Variants in USP31 observed in about 807,000 individuals in gnomAD.
USP31 encodes the protein ubiquitin carboxyl-terminal hydrolase 31.
A neutral mutation model predicts 119.4 loss-of-function variants in USP31; 44 were observed. The ratio of observed to expected loss-of-function variants is 0.37; its 90% confidence interval spans 0.29 to 0.47. The LOEUF is 0.47. USP31 is among the 20% of genes least tolerant of loss of function. USP31 has a pLI of 0.99. For missense variants in USP31, 1,643 were observed against 1,730.2 expected (o/e 0.95, Z 0.89); for synonymous variants, 749 against 705.6 (o/e 1.06, Z -0.97).
chr16:23,132,912 C>T (rs916255676), intron 1 of USP31, among the ~76,000 whole-genome samples: 4 of 152,154 alleles, frequency 2.6e-5, no homozygotes, highest in Non-Finnish European at 5.9e-5. Context: ...ACTCTTCACA[C>T]ACCCATAAAG....
rs35955613 is a variant in USP31, at chr16:23,063,734, CTTTTT to C, written c.*4307_*4311del. ...AAAAATAGAGCTCCATAATTGTTGC[CTTTTT>C]TTTTTAAGACTTAACATTTCATGTC... On this transcript the variant is annotated 3_prime_UTR_variant, in exon 16 of 16. Coordinates refer to ENST00000219689, the MANE Select transcript of USP31 (RefSeq NM_020718.4). 11 of 148,520 alleles carry C rather than the reference CTTTTT, an allele frequency of 7.4e-5. No homozygotes were observed. The highest frequency in any genetic ancestry group is 2.1e-4 in the South Asian group (1 of 4,678). The allele number at this position is 148,520 out of a possible 1,614,324, so 9.2% of individuals were successfully genotyped here. A position where few individuals can be genotyped will look rare whatever the true frequency, so the allele number is the denominator to read the frequency against.
intron 6 of USP31, among the ~76,000 whole-genome samples, chr16:23,099,169 G>C (rs1271401992): frequency 6.6e-6 from 1 of 152,140 alleles, no homozygotes. Context: ...GGTATGAACA[G>C]ACACTTCTCA....
chr16:23,124,003 A>G (rs965694973), intron 1 of USP31, among the ~76,000 whole-genome samples: 1 of 152,268 alleles, frequency 6.6e-6, no homozygotes, highest in East Asian at 1.9e-4. Flanking sequence ...TATCTCAAAA[A>G]AAAAAAGAAG....
chr16:23,149,442 G>A lies in USP31; in HGVS notation c.-172C>T, dbSNP rs1006675276. On this transcript the variant is annotated 5_prime_UTR_variant, in exon 1 of 16. Transcript: ENST00000219689. Reference sequence around the variant, plus strand: ...CGAGCGGCGGCCGGCGGGGCCAGCGGGCGCGCGCGCGGTCCGCCCAGCTGA... The same window carrying A: ...CGAGCGGCGGCCGGCGGGGCCAGCGAGCGCGCGCGCGGTCCGCCCAGCTGA... Among the ~76,000 whole-genome samples, 2 of 148,272 alleles carry A rather than the reference G, an allele frequency of 1.3e-5. No homozygotes were observed. Among genetic ancestry groups the A allele is most frequent in the African/African-American group, 4.9e-5 (2 of 40,978 alleles).
chr16:23,093,507 G>A (rs1901463271), intron 6 of USP31, among the ~76,000 whole-genome samples: 1 of 152,164 alleles, frequency 6.6e-6, no homozygotes, highest in African/African-American at 2.4e-5. Flanking sequence ...CACCAGGATG[G>A]CTAAAATCAA....
intron 1 of USP31, among the ~76,000 whole-genome samples, chr16:23,125,862 TAAAG>T (rs1397320869): frequency 1.3e-5 from 2 of 152,224 alleles, no homozygotes; most frequent in Non-Finnish European, 2.9e-5. Context: ...AACCTTCAAA[TAAAG>T]AAAGCGTTGA....
At chr16:23,088,045 A>C (rs1418874483) in intron 7 of USP31, among the ~76,000 whole-genome samples, 1 of 152,220 alleles carries the variant, frequency 6.6e-6, no homozygotes, top group Non-Finnish European at 1.5e-5. Flanking sequence ...CCAATACACC[A>C]AAATGGCTTC....
At chr16:23,096,089 A>C (rs1901594647) in intron 6 of USP31, among the ~76,000 whole-genome samples, 1 of 152,214 alleles carries the variant, frequency 6.6e-6, no homozygotes, top group African/African-American at 2.4e-5. Flanking sequence ...TGCTGTATTC[A>C]GGAGACCCAT....
At chr16:23,134,647 T>A (rs1903130541) in intron 1 of USP31, among the ~76,000 whole-genome samples, 1 of 126,172 alleles carries the variant, frequency 7.9e-6, no homozygotes, top group Non-Finnish European at 1.7e-5. Flanking sequence ...AAGAGGTAAA[T>A]ATTTTAGAAC....
At chr16:23,122,073 T>C (rs1902688258) in intron 1 of USP31, among the ~76,000 whole-genome samples, 1 of 152,202 alleles carries the variant, frequency 6.6e-6, no homozygotes, top group Non-Finnish European at 1.5e-5. Flanking sequence ...TCAATTATGT[T>C]ATGCACACAC....
At chr16:23,071,971 A>G in intron 15 of USP31, 74 bp downstream of exon 15, 1 of 1,539,388 alleles carries the variant, frequency 6.5e-7, no homozygotes, top group Non-Finnish European at 8.7e-7. Flanking sequence ...CTTAGCTCCT[A>G]GGAAAAACAC....
intron 1 of USP31, among the ~76,000 whole-genome samples, chr16:23,115,124 C>T (rs1902449093): frequency 6.6e-6 from 1 of 152,200 alleles, no homozygotes; most frequent in African/African-American, 2.4e-5. Flanking sequence ...CCCAAATCTT[C>T]ACCCAAGCCC....
chr16:23,068,317 C>CA lies in USP31; in HGVS notation c.3787dup (p.Cys1263LeufsTer2). 4 of 1,614,076 alleles carry CA rather than the reference C, an allele frequency of 2.5e-6. No homozygotes were observed. The highest frequency in any genetic ancestry group is 3.4e-6 in the Non-Finnish European group (4 of 1,179,930). The stretch of plus-strand genomic sequence containing the variant: ...TGCCTCGTCGTCCCCGGTGTTCTTA[C>CA]AGACAGACTTAACAGAGCTCCCACC... On this transcript the variant is annotated frameshift_variant, in exon 16 of 16. Transcript: ENST00000219689. LOFTEE classifies it high-confidence loss of function.
At chr16:23,131,892 T>C (rs926871812) in intron 1 of USP31, among the ~76,000 whole-genome samples, 2 of 152,180 alleles carry the variant, frequency 1.3e-5, no homozygotes. Flanking sequence ...GAGCTAGTGA[T>C]GTGTTTACAA....
chr16:23,135,962 G>A (rs1903175739), intron 1 of USP31, among the ~76,000 whole-genome samples: 2 of 152,160 alleles, frequency 1.3e-5, no homozygotes, highest in Non-Finnish European at 2.9e-5. Context: ...GAGAACAGTG[G>A]GGTAAAGATA....
chr16:23,134,491 G>A (rs1043197124), intron 1 of USP31, among the ~76,000 whole-genome samples: 6 of 152,084 alleles, frequency 3.9e-5, no homozygotes, highest in African/African-American at 1.4e-4. Flanking sequence ...AGCCCAAAGA[G>A]TTAAGTGCCA....
intron 1 of USP31, among the ~76,000 whole-genome samples, chr16:23,142,777 G>A (rs1484557227): frequency 6.6e-6 from 1 of 152,208 alleles, no homozygotes; most frequent in Non-Finnish European, 1.5e-5. Flanking sequence ...TGATGGACCA[G>A]AGAACTGACC....
rs535120027 is a variant in USP31, at chr16:23,142,779, G to A, written c.633+5859C>T. ...AAGTGATGGCATTTGATGGACCAGA[G>A]AACTGACCAGGAAGGGATGTACTTT... On this transcript the variant is annotated intron_variant, in intron 1 of 15. Transcript: ENST00000219689. Among the ~76,000 whole-genome samples the A allele has an allele frequency of 2.6e-5, 4 of 152,326 alleles. No homozygotes were observed. In the South Asian group the frequency reaches 8.3e-4, roughly 32 times the overall value.
At chr16:23,111,366 T>C (rs898540918) in intron 1 of USP31, among the ~76,000 whole-genome samples, 1 of 152,048 alleles carries the variant, frequency 6.6e-6, no homozygotes, top group Non-Finnish European at 1.5e-5. Flanking sequence ...GAAGGAGGCA[T>C]TAATGTCACT....
Sources: allele counts gnomAD v4.1 joint callset (sites outside exome capture counted in the v4.1 genomes callset), GRCh38; gene constraint gnomAD v4.1.1; transcripts MANE v1.5; gene names NCBI Gene and HGNC (gene_info 2026-07-23, HGNC 2026-07-21).